Variants in SLC26A7 observed in about 807,000 individuals in gnomAD.
SLC26A7 encodes solute carrier family 26 member 7.
In SLC26A7, 59 loss-of-function variants were observed where a neutral mutation model predicts 82.5. The observed-to-expected ratio is 0.72, with a 90% CI of 0.58 to 0.89. The LOEUF (loss-of-function observed/expected upper bound fraction) is 0.89, where lower values mean the gene tolerates loss of function less well. SLC26A7 is among the 40% of genes least tolerant of loss of function. The pLI is 0.00. For missense variants in SLC26A7, 820 were observed against 793.0 expected (o/e 1.03, Z -0.41); for synonymous variants, 271 against 274.3 (o/e 0.99, Z 0.12).
At chr8:91,389,566 G>GTTC in intron 16 of SLC26A7, 128 bp downstream of exon 16, 1 of 724,350 alleles carries the variant, frequency 1.4e-6, no homozygotes, top group Non-Finnish European at 2.4e-6. Context: ...TATTTACAAA[G>GTTC]GACGTAGAAC....
intron 4 of SLC26A7, among the ~76,000 whole-genome samples, chr8:91,302,818 C>CTTT (rs11333572): frequency 3.9e-5 from 5 of 129,620 alleles, no homozygotes; most frequent in African/African-American, 8.7e-5. Flanking sequence ...TTCCCCTTCT[C>CTTT]TTTTTTTTTT....
chr8:91,312,270 T>C (rs1444814534), intron 4 of SLC26A7, among the ~76,000 whole-genome samples: 1 of 152,168 alleles, frequency 6.6e-6, no homozygotes, highest in Non-Finnish European at 1.5e-5. Flanking sequence ...TCCATGTTGT[T>C]ACATTTTTGG....
At chr8:91,376,554 A>T (rs1329146395) in intron 15 of SLC26A7, among the ~76,000 whole-genome samples, 1 of 152,148 alleles carries the variant, frequency 6.6e-6, no homozygotes, top group East Asian at 1.9e-4. Flanking sequence ...TTGTAGTGAT[A>T]TATCGAATGT....
At chr8:91,355,899 C>G (rs1203044376) in intron 11 of SLC26A7, among the ~76,000 whole-genome samples, 1 of 152,072 alleles carries the variant, frequency 6.6e-6, no homozygotes, top group Non-Finnish European at 1.5e-5. Flanking sequence ...CAGAACAGTC[C>G]CCGGAGTGTG....
intron 15 of SLC26A7, among the ~76,000 whole-genome samples, chr8:91,378,877 G>A (rs1014133447): frequency 6.6e-6 from 1 of 151,932 alleles, no homozygotes; most frequent in African/African-American, 2.4e-5. Context: ...AAAAGGAAAA[G>A]AGGAAAACTC....
Position 91,395,322 on chromosome 8 carries a change from T to A in SLC26A7, c.*225T>A. 8.4e-7 allele frequency: 1 copy of A among 1,186,548 alleles called. No homozygotes were observed. Among genetic ancestry groups the A allele is most frequent in the Non-Finnish European group, 1.1e-6 (1 of 910,802 alleles). 73.5% of individuals were successfully genotyped at this position (1,186,548 alleles called of 1,614,324 possible). A position where few individuals can be genotyped will look rare whatever the true frequency, so the allele number is the denominator to read the frequency against. On this transcript the variant is annotated 3_prime_UTR_variant, in exon 19 of 19. Transcript: ENST00000276609. ...CTTAGTTATTTTATGTAAAAATCAG[T>A]ATGTGTTTAGTTTTAGTGTACTGAA...
rs58981485 is a variant in SLC26A7 at position 91,316,451 on chromosome 8, A to ATTTTTT, written c.478-1731_478-1726dup. On this transcript the variant is annotated intron_variant, in intron 4 of 18. Transcript: ENST00000276609. ...GAACTCGCTGCCACACTCAACACTA[A>ATTTTTT]TTTTTTTTTTTTTTTTTTTTTTTTT... Among the ~76,000 whole-genome samples the ATTTTTT allele has an allele frequency of 9.6e-4, 33 of 34,424 alleles. 2 individuals are homozygous for ATTTTTT. Among genetic ancestry groups the ATTTTTT allele is most frequent in the South Asian group, 1.4e-3 (1 of 726 alleles). 22.6% of individuals were successfully genotyped at this position (34,424 alleles called of 152,430 possible). A position where few individuals can be genotyped will look rare whatever the true frequency, so the allele number is the denominator to read the frequency against.
chr8:91,336,881 T>C (rs1194874491), intron 6 of SLC26A7, among the ~76,000 whole-genome samples: 3 of 152,144 alleles, frequency 2.0e-5, no homozygotes, highest in Non-Finnish European at 2.9e-5. Flanking sequence ...ATATTTTCTT[T>C]ATAGCTCTCA....
At chr8:91,360,485 A>G (rs1018487372) in intron 11 of SLC26A7, among the ~76,000 whole-genome samples, 10 of 152,348 alleles carry the variant, frequency 6.6e-5, no homozygotes, top group African/African-American at 1.9e-4. Flanking sequence ...CAATGGAATT[A>G]TTTATTGGTC....
At chr8:91,335,840 G>T (rs553277917) in intron 6 of SLC26A7, among the ~76,000 whole-genome samples, 1 of 152,262 alleles carries the variant, frequency 6.6e-6, no homozygotes, top group East Asian at 1.9e-4. Flanking sequence ...TTAGAACAGA[G>T]AATTTTCCTA....
intron 1 of SLC26A7, among the ~76,000 whole-genome samples, chr8:91,215,909 CACAAATAGAAAT>C (rs1810037401): frequency 6.6e-6 from 1 of 151,946 alleles, no homozygotes; most frequent in Non-Finnish European, 1.5e-5. Flanking sequence ...GCAATAATGC[CACAAATAGAAAT>C]ACAAATTTAA....
At chr8:91,331,151 C>G (rs1261409104) in intron 5 of SLC26A7, among the ~76,000 whole-genome samples, 1 of 152,098 alleles carries the variant, frequency 6.6e-6, no homozygotes, top group East Asian at 1.9e-4. Flanking sequence ...TCTTTAAAGG[C>G]CCTGTCTCCA....
At chr8:91,232,030 G>A (rs559400452) in intron 2 of SLC26A7, among the ~76,000 whole-genome samples, 14 of 152,200 alleles carry the variant, frequency 9.2e-5, no homozygotes, top group African/African-American at 3.4e-4. Context: ...ATATAACAAA[G>A]ACTACCTAAG....
chr8:91,274,611 A>C (rs1458496381), intron 2 of SLC26A7, among the ~76,000 whole-genome samples: 2 of 152,232 alleles, frequency 1.3e-5, no homozygotes, highest in Non-Finnish European at 2.9e-5. Flanking sequence ...CTCATAACTT[A>C]ATTCTTAAAG....
intron 5 of SLC26A7, among the ~76,000 whole-genome samples, chr8:91,319,013 G>A (rs568424334): frequency 5.9e-5 from 9 of 152,058 alleles, no homozygotes; most frequent in Admixed American, 5.9e-4. Context: ...ACCAAACTTT[G>A]TTTTGTTTAA....
chr8:91,319,959 G>A (rs1586405335), intron 5 of SLC26A7, among the ~76,000 whole-genome samples: 1 of 145,574 alleles, frequency 6.9e-6, no homozygotes, highest in East Asian at 1.9e-4. Context: ...TAAACACTTC[G>A]GTTAAAGGTT....
At chr8:91,217,045 T>C (rs1399982572) in intron 1 of SLC26A7, among the ~76,000 whole-genome samples, 1 of 152,120 alleles carries the variant, frequency 6.6e-6, no homozygotes, top group Non-Finnish European at 1.5e-5. Context: ...CAGCCTATGG[T>C]GTCTCCTGTC....
At chr8:91,261,641 A>G (rs1406894166) in intron 2 of SLC26A7, among the ~76,000 whole-genome samples, 7 of 152,222 alleles carry the variant, frequency 4.6e-5, no homozygotes, top group Non-Finnish European at 1.0e-4. Flanking sequence ...GATCTATATT[A>G]TATGATGTAG....
At chr8:91,234,646 C>G (rs1363307101) in intron 2 of SLC26A7, among the ~76,000 whole-genome samples, 2 of 151,992 alleles carry the variant, frequency 1.3e-5, no homozygotes, top group Non-Finnish European at 2.9e-5. Context: ...AACAGACAAG[C>G]CCAAATGAAA....
Sources: allele counts gnomAD v4.1 joint callset (sites outside exome capture counted in the v4.1 genomes callset), GRCh38; gene constraint gnomAD v4.1.1; transcripts MANE v1.5; gene names NCBI Gene and HGNC (gene_info 2026-07-23, HGNC 2026-07-21).